ACRBP: variants seen among roughly 807,000 people sequenced by gnomAD.
ACRBP encodes the protein acrosin binding protein.
Under a neutral mutation model 69.0 loss-of-function variants are expected in ACRBP, and 52 were observed. That is an observed-to-expected ratio of 0.75 (90% CI 0.60 to 0.95). The LOEUF (loss-of-function observed/expected upper bound fraction) is 0.95. ACRBP is among the 40% of genes least tolerant of loss of function. The pLI, the probability that ACRBP is intolerant of heterozygous loss-of-function variation, is 0.00. For synonymous variants in ACRBP, 267 were observed against 258.9 expected (o/e 1.03, Z -0.30); for missense variants, 604 against 673.0 (o/e 0.90, Z 1.13).
In ACRBP at chr12:6,644,499, C is replaced by T; in HGVS notation, c.582G>A (p.Glu194=). ...GCTCCACTCCTTGCTCCTGCTTGTG[C>T]TCTGGCGCTTGCTCCTGGCCTCCCA... ...LSLGGQEQAP[E]HKQEQGVEHR... Residue 194 remains glutamate, a synonymous_variant, in exon 5 of 10, where the codon GAG becomes GAA. Coordinates refer to ENST00000229243, the MANE Select transcript of ACRBP (RefSeq NM_032489.3). The T allele has an allele frequency of 6.8e-6, 11 of 1,614,054 alleles. No homozygotes were observed. The highest frequency in any genetic ancestry group is 9.3e-6 in the Non-Finnish European group (11 of 1,180,022).
In ACRBP at chr12:6,647,317, C is replaced by T. The variant is rs765357359; in HGVS notation, c.43+7G>A. 1 of 1,554,476 alleles carries T rather than the reference C, an allele frequency of 6.4e-7. No homozygotes were observed. Among genetic ancestry groups the T allele is most frequent in the East Asian group, 2.4e-5 (1 of 41,526 alleles). ...AGAGTCTGTTGGAGCAGGTGTAAAC[C>T]TCTCACCCTTCAGGAGTGAGGGAAG... is the stretch of plus-strand genomic sequence containing the variant. On this transcript the variant is annotated splice_region_variant and intron_variant, in intron 1 of 9. Transcript: ENST00000229243.
chr12:6,639,995 G>C, intron 8 of ACRBP, 65 bp downstream of exon 8: 2 of 1,578,912 alleles, frequency 1.3e-6, no homozygotes, highest in Non-Finnish European at 1.7e-6. Flanking sequence ...GCTACTCACA[G>C]CAAGTAACTG....
At chr12:6,643,789 G>T in intron 5 of ACRBP, 118 bp from the exon 6 acceptor site, 1 of 1,406,996 alleles carries the variant, frequency 7.1e-7, no homozygotes, top group Non-Finnish European at 9.6e-7. Context: ...AGCATGCTTA[G>T]CATGGGGCCT....
intron 6 of ACRBP, among the ~76,000 whole-genome samples, chr12:6,641,106 G>A (rs1183548621): frequency 6.6e-6 from 1 of 152,204 alleles, no homozygotes; most frequent in African/African-American, 2.4e-5. Flanking sequence ...TCTAACAGAT[G>A]GGGAAGCTGG....
chr12:6,640,759 G>A lies in ACRBP; in HGVS notation c.1078-237C>T, dbSNP rs550611621. 6.6e-6 allele frequency among the ~76,000 whole-genome samples: 1 copy of A among 152,276 alleles called. No individual in the cohort carries two copies. Among genetic ancestry groups the A allele is most frequent in the East Asian group, 1.9e-4 (1 of 5,178 alleles). On this transcript the variant is annotated intron_variant, in intron 6 of 9. Coordinates refer to ENST00000229243, the MANE Select transcript of ACRBP (RefSeq NM_032489.3). The surrounding 1 kb of genome is among the most constrained non-coding windows in gnomAD (Gnocchi z 5.3). ...CTCCTAGGTAATCATCTATCTGCGAGTGACACCCAAATCTTTATCACCAGC... is the reference window on the plus strand; with the variant it reads ...CTCCTAGGTAATCATCTATCTGCGAATGACACCCAAATCTTTATCACCAGC...
chr12:6,643,798 CT>C (rs986911732), intron 5 of ACRBP, 127 bp from the exon 6 acceptor site: 3 of 1,318,868 alleles, frequency 2.3e-6, no homozygotes, highest in African/African-American at 2.9e-5. Context: ...AGCATGGGGC[CT>C]TAGAGGCCTC....
At position 6,640,225 on chromosome 12, in the gene ACRBP, T is replaced by TA. The variant is rs1405385200; in HGVS notation, c.1259dup (p.Gly421ArgfsTer32). ...AAAAGCGGCCTGATTCTGGGGACCC[T>TA]ACCTGTGGCACAGGAGATAGGGGAG... On this transcript the variant is annotated frameshift_variant and splice_region_variant, in exon 8 of 10. Transcript: ENST00000229243. LOFTEE classifies it high-confidence loss of function. The surrounding 1 kb of genome is among the most constrained non-coding windows in gnomAD (Gnocchi z 5.3). 1 of 1,614,164 alleles carries TA rather than the reference T, an allele frequency of 6.2e-7. No homozygotes were observed. The highest frequency in any genetic ancestry group is 8.5e-7 in the Non-Finnish European group (1 of 1,180,020).
intron 6 of ACRBP, among the ~76,000 whole-genome samples, chr12:6,643,277 T>C (rs1949066193): frequency 6.6e-6 from 1 of 151,360 alleles, no homozygotes; most frequent in South Asian, 2.1e-4. Flanking sequence ...AGGAGTGAAA[T>C]CTGGAAGCCT....
In ACRBP at chr12:6,646,590, A is replaced by C. The variant is rs1040198575; in HGVS notation, c.263-13T>G. ...GAGCAGACAGCACCTGAGAAAGGGC[A>C]GGGGTGGAGAAGATGAACCCGTGGG... On this transcript the variant is annotated splice_polypyrimidine_tract_variant and intron_variant, in intron 2 of 9. Coordinates refer to ENST00000229243, the MANE Select transcript of ACRBP (RefSeq NM_032489.3). The C allele has an allele frequency of 1.2e-6, 2 of 1,611,916 alleles. No homozygotes were observed. The highest frequency in any genetic ancestry group is 1.7e-6 in the Non-Finnish European group (2 of 1,178,230).
chr12:6,646,819 A>T lies in ACRBP; in HGVS notation c.237T>A (p.Tyr79Ter), dbSNP rs771779784. Residue 79 changes from tyrosine to a stop codon, truncating the protein, a stop_gained, in exon 2 of 10, where the codon TAT becomes TAA. Coordinates refer to ENST00000229243, the MANE Select transcript of ACRBP (RefSeq NM_032489.3). LOFTEE classifies it high-confidence loss of function. ...RNPTLVQLDQ[Y>*]ENHGLVPDGA... is the part of the protein sequence containing the mutation. ...CATCGGGCACTAAGCCGTGGTTTTC[A>T]TATTGGTCCAGCTGGACGAGTGTGG... is the stretch of plus-strand genomic sequence containing the variant. 2.5e-6 allele frequency: 4 copies of T among 1,613,984 alleles called. No individual in the cohort carries two copies. The highest frequency in any genetic ancestry group is 2.2e-5 in the South Asian group (2 of 91,074).
chr12:6,644,094 G>C (rs35122307), intron 5 of ACRBP, 43 bp downstream of exon 5: 1 of 1,529,476 alleles, frequency 6.5e-7, no homozygotes, highest in East Asian at 2.3e-5. Flanking sequence ...AAGAAAGGCA[G>C]AAGGGAGGGC....
rs535928418 is a variant in ACRBP, at chr12:6,644,478, C to T, written c.603G>A (p.Val201=). Reference sequence around the variant, plus strand: ...CTTGTGTCGGCTCCTGCCTGTGCTCCACTCCTTGCTCCTGCTTGTGCTCTG... The same window carrying T: ...CTTGTGTCGGCTCCTGCCTGTGCTCTACTCCTTGCTCCTGCTTGTGCTCTG... ...QAPEHKQEQG[V]EHRQEPTQEH... is the part of the protein sequence containing the mutation. The change falls in exon 5 of 10, where the codon GTG becomes GTA. Residue 201 remains valine, a synonymous_variant. Transcript: ENST00000229243. 2.3e-5 allele frequency: 37 copies of T among 1,614,014 alleles called. No individual in the cohort carries two copies. The South Asian group carries it at 3.8e-4, about 17-fold the overall frequency.
chr12:6,646,290 C>A (rs1949088300), intron 3 of ACRBP, among the ~76,000 whole-genome samples, 193 bp downstream of exon 3: 1 of 152,088 alleles, frequency 6.6e-6, no homozygotes, highest in Admixed American at 6.6e-5. Context: ...ACTTTTCTTG[C>A]AGTAACAGAA....
Position 6,640,226 on chromosome 12 carries a change from A to C in ACRBP, c.1259T>G (p.Val420Gly), listed in dbSNP as rs1304702138. The change falls in exon 8 of 10, where the codon GTA (valine) becomes GGA (glycine). Residue 420 changes from valine (V) to glycine (G), a missense_variant and splice_region_variant. Val to Gly is a moderately radical substitution (Grantham distance 109). Transcript: ENST00000229243. The surrounding 1 kb of genome is among the most constrained non-coding windows in gnomAD (Gnocchi z 5.3). ...AAAGCGGCCTGATTCTGGGGACCCT[A>C]CCTGTGGCACAGGAGATAGGGGAGA... ...ASQSLSIGNQ[V>G]GSPESGRFYG... 12 of 1,614,034 alleles carry C rather than the reference A, an allele frequency of 7.4e-6. No homozygotes were observed. The highest frequency in any genetic ancestry group is 2.2e-5 in the East Asian group (1 of 44,874).
In ACRBP at chr12:6,638,232, T is replaced by C; in HGVS notation, c.*50A>G. The C allele has an allele frequency of 6.2e-7, 1 of 1,604,384 alleles. No individual in the cohort carries two copies. Among genetic ancestry groups the C allele is most frequent in the Non-Finnish European group, 8.5e-7 (1 of 1,173,504 alleles). ...TGAAAGCAATGGGGTCTCAAAACAA[T>C]AGAGAACGTGGGCAGGTTGGGCTGG... On this transcript the variant is annotated 3_prime_UTR_variant, in exon 10 of 10. Transcript: ENST00000229243.
At chr12:6,641,543 C>T (rs1949052932) in intron 6 of ACRBP, among the ~76,000 whole-genome samples, 1 of 152,184 alleles carries the variant, frequency 6.6e-6, no homozygotes, top group Non-Finnish European at 1.5e-5. Context: ...AAAAGGGACT[C>T]CCTCCTTACT....
intron 9 of ACRBP, chr12:6,638,730 T>C: frequency 7.0e-7 from 1 of 1,432,392 alleles, no homozygotes; most frequent in East Asian, 2.5e-5. Flanking sequence ...GTGGTGCTCT[T>C]AGGACCCTCC....
In ACRBP at chr12:6,647,308, G is replaced by T. The variant is rs1228307977; in HGVS notation, c.43+16C>A. ...AGCCCGGGGAGAGTCTGTTGGAGCA[G>T]GTGTAAACCTCTCACCCTTCAGGAG... On this transcript the variant is annotated intron_variant, in intron 1 of 9. Transcript: ENST00000229243. The T allele has an allele frequency of 1.3e-6, 2 of 1,551,644 alleles. No individual in the cohort carries two copies. The highest frequency in any genetic ancestry group is 2.8e-5 in the African/African-American group (2 of 72,592).
chr12:6,641,122 G>A (rs1320245499), intron 6 of ACRBP, among the ~76,000 whole-genome samples: 1 of 152,196 alleles, frequency 6.6e-6, no homozygotes, highest in Non-Finnish European at 1.5e-5. Context: ...GCTGGGACAT[G>A]GGTCCAGGTC....
Sources: gnomAD v4.1 joint callset for allele counts (sites outside exome capture counted in the v4.1 genomes callset) on GRCh38, gnomAD v4.1.1 for gene constraint, Gnocchi (gnomAD v3.1) non-coding constraint, MANE v1.5 for transcripts, NCBI Gene and HGNC (gene_info 2026-07-23, HGNC 2026-07-21) for gene names.